DOCK3: variants seen among roughly 807,000 people sequenced by gnomAD.
The protein encoded by DOCK3 is dedicator of cytokinesis 3.
DOCK3 carries 60 observed loss-of-function variants against 265.6 expected under a neutral mutation model. The ratio of observed to expected loss-of-function variants is 0.23; its 90% CI spans 0.18 to 0.28. DOCK3 has a LOEUF of 0.28. DOCK3 is among the 10% of genes least tolerant of loss of function. The pLI is 1.00. For synonymous variants in DOCK3, 881 were observed against 938.0 expected (o/e 0.94, Z 1.11); for missense variants, 1,981 against 2,594.3 (o/e 0.76, Z 5.14).
intron 3 of DOCK3, among the ~76,000 whole-genome samples, chr3:50,847,638 C>T (rs1178066339): frequency 6.6e-6 from 1 of 152,074 alleles, no homozygotes; most frequent in Non-Finnish European, 1.5e-5. Flanking sequence ...AATTCTAGCA[C>T]TTTGGGAGGC....
At chr3:51,345,718 C>A (rs1266780298) in intron 38 of DOCK3, among the ~76,000 whole-genome samples, 1 of 152,208 alleles carries the variant, frequency 6.6e-6, no homozygotes, top group Non-Finnish European at 1.5e-5. Context: ...ATTGGTCCTG[C>A]AGTTTCAATC....
At chr3:51,263,816 G>T (rs1359621736) in intron 23 of DOCK3, among the ~76,000 whole-genome samples, 5 of 151,778 alleles carry the variant, frequency 3.3e-5, no homozygotes, top group African/African-American at 1.2e-4. Flanking sequence ...GATCATAAAA[G>T]TCAAGGATAT....
At chr3:50,977,144 T>C (rs2077482889) in intron 5 of DOCK3, among the ~76,000 whole-genome samples, 1 of 151,654 alleles carries the variant, frequency 6.6e-6, no homozygotes, top group Non-Finnish European at 1.5e-5. Flanking sequence ...TCCATTTACA[T>C]TTAAAGTTAA....
intron 22 of DOCK3, among the ~76,000 whole-genome samples, chr3:51,255,325 G>A (rs939915165): frequency 3.3e-5 from 5 of 152,196 alleles, no homozygotes; most frequent in African/African-American, 4.8e-5. Context: ...CACCTTTGGT[G>A]AATCTGACAG....
At chr3:50,784,672 A>T (rs1273921740) in intron 2 of DOCK3, among the ~76,000 whole-genome samples, 2 of 152,146 alleles carry the variant, frequency 1.3e-5, no homozygotes, top group African/African-American at 2.4e-5. Context: ...TGTTTGTGTC[A>T]TCTATGTTTT....
At chr3:50,881,210 A>C (rs2048002519) in intron 3 of DOCK3, 2 of 152,208 alleles carry the variant, frequency 1.3e-5, no homozygotes, top group Non-Finnish European at 2.9e-5. Flanking sequence ...CCCTTTGAAA[A>C]CTGGCACAAG....
In DOCK3 at chr3:50,782,289, A is replaced by ATTTTTTTTTTTT. The variant is rs71084112; in HGVS notation, c.121+3539_121+3550dup. Among the ~76,000 whole-genome samples the ATTTTTTTTTTTT allele has an allele frequency of 2.7e-5, 3 of 110,022 alleles. 1 individual carries two copies. Among genetic ancestry groups the ATTTTTTTTTTTT allele is most frequent in the Admixed American group, 2.6e-4 (2 of 7,762 alleles). 72.2% of individuals were successfully genotyped at this position (110,022 alleles called of 152,430 possible). On this transcript the variant is annotated intron_variant, in intron 2 of 52. Transcript: ENST00000266037. ...CTCAGCAGTCTCACCAGTACCTGTT[A>ATTTTTTTTTTTT]TTTTTTTTTTTTTTTTTTTGAGACG...
rs2033908093 is a variant in DOCK3, at chr3:50,675,770, A to T, written c.37+470A>T. On this transcript the variant is annotated intron_variant, in intron 1 of 52. Coordinates refer to ENST00000266037, the MANE Select transcript of DOCK3 (RefSeq NM_004947.5). The surrounding 1 kb of genome is among the most constrained non-coding windows in gnomAD (Gnocchi z 6.1). ...GTTGACATCATTTTCCCAGTTCAAA[A>T]ATTTGGACATTTGACTGCAAATGTT... Among the ~76,000 whole-genome samples the T allele has an allele frequency of 6.6e-6, 1 of 152,204 alleles. No individual in the cohort carries two copies. Among genetic ancestry groups the T allele is most frequent in the Non-Finnish European group, 1.5e-5 (1 of 68,028 alleles).
At chr3:51,093,087 T>C (rs2082701967) in intron 9 of DOCK3, among the ~76,000 whole-genome samples, 1 of 152,182 alleles carries the variant, frequency 6.6e-6, no homozygotes, top group African/African-American at 2.4e-5. Flanking sequence ...CGTAGCCTTG[T>C]AGTATAGTTT....
intron 2 of DOCK3, among the ~76,000 whole-genome samples, chr3:50,796,596 C>T (rs1233717614): frequency 6.6e-6 from 1 of 152,128 alleles, no homozygotes; most frequent in Admixed American, 6.5e-5. Flanking sequence ...CCTTGGCCTC[C>T]CAAAGTGTTG....
At chr3:50,863,528 T>C (rs2107523821) in intron 3 of DOCK3, 1 of 488,438 alleles carries the variant, frequency 2.0e-6, no homozygotes, top group Non-Finnish European at 4.0e-6. Context: ...TTTCCAGGGG[T>C]CGATCTTTGC....
intron 5 of DOCK3, among the ~76,000 whole-genome samples, chr3:51,064,135 T>G (rs1230199133): frequency 6.6e-6 from 1 of 152,214 alleles, no homozygotes; most frequent in Non-Finnish European, 1.5e-5. Flanking sequence ...AGCTCTGGGC[T>G]CCTGTGTAAC....
chr3:51,011,503 G>A (rs2078948367), intron 5 of DOCK3, among the ~76,000 whole-genome samples: 1 of 152,088 alleles, frequency 6.6e-6, no homozygotes, highest in Non-Finnish European at 1.5e-5. Context: ...CTCTACACTG[G>A]TTATTCTAGT....
intron 5 of DOCK3, among the ~76,000 whole-genome samples, chr3:51,003,638 A>G (rs1343459737): frequency 2.0e-5 from 3 of 152,188 alleles, no homozygotes; most frequent in Non-Finnish European, 4.4e-5. Flanking sequence ...TTCTATGCCA[A>G]CTTTTTAATT....
chr3:50,874,589 C>T (rs953819422), intron 3 of DOCK3, among the ~76,000 whole-genome samples: 1 of 151,010 alleles, frequency 6.6e-6, no homozygotes, highest in African/African-American at 2.4e-5. Flanking sequence ...TCTGGCATAC[C>T]TTTCCATTTA....
chr3:51,274,633 C>T (rs79709477), intron 24 of DOCK3, among the ~76,000 whole-genome samples: 3,577 of 151,916 alleles, frequency 0.024, 152 homozygotes, highest in African/African-American at 0.081. Flanking sequence ...AAAAATTATC[C>T]GAGTGTGGTG....
intron 4 of DOCK3, among the ~76,000 whole-genome samples, chr3:50,933,531 A>G (rs908802107): frequency 3.3e-5 from 5 of 152,166 alleles, no homozygotes. Context: ...TTCAAAGTTT[A>G]ATTGTGTGGG....
At chr3:51,288,078 T>C (rs1031222405) in intron 27 of DOCK3, among the ~76,000 whole-genome samples, 1 of 152,126 alleles carries the variant, frequency 6.6e-6, no homozygotes, top group Non-Finnish European at 1.5e-5. Context: ...AAGCTAAACA[T>C]TGAGTACTCA....
At chr3:51,073,645 G>A (rs1475892802) in intron 6 of DOCK3, among the ~76,000 whole-genome samples, 1 of 152,022 alleles carries the variant, frequency 6.6e-6, no homozygotes, top group Non-Finnish European at 1.5e-5. Context: ...GTAAAACTGT[G>A]GGTTATTTTT....
Sources: allele counts gnomAD v4.1 joint callset (sites outside exome capture counted in the v4.1 genomes callset), GRCh38; gene constraint gnomAD v4.1.1; non-coding constraint Gnocchi (gnomAD v3.1); transcripts MANE v1.5; gene names NCBI Gene and HGNC (gene_info 2026-07-23, HGNC 2026-07-21).